Variants in STK3 observed in about 807,000 individuals in gnomAD.
STK3 encodes the protein serine/threonine-protein kinase 3.
A neutral mutation model predicts 58.0 loss-of-function variants in STK3; 41 were observed. That is an observed-to-expected ratio of 0.71 (90% CI 0.55 to 0.92). The LOEUF (loss-of-function observed/expected upper bound fraction) is 0.92. Among genes scored for constraint, STK3 ranks in the 40% least tolerant of loss-of-function variants. The pLI, the probability that STK3 is intolerant of heterozygous loss-of-function variation, is 0.00. For synonymous variants in STK3, 170 were observed against 191.0 expected, an observed-to-expected ratio of 0.89 and a Z score of 0.91; for missense variants, 479 against 602.7, an observed-to-expected ratio of 0.79 and a Z score of 2.15.
At chr8:98,674,622 G>A (rs918813634) in intron 6 of STK3, among the ~76,000 whole-genome samples, 5 of 152,100 alleles carry the variant, frequency 3.3e-5, no homozygotes, top group African/African-American at 9.7e-5. Context: ...AGAGATCACA[G>A]TTCCCAAATA....
intron 4 of STK3, among the ~76,000 whole-genome samples, chr8:98,745,832 T>C (rs1829604381): frequency 6.6e-6 from 1 of 152,166 alleles, no homozygotes; most frequent in Admixed American, 6.5e-5. Context: ...CATGGATACA[T>C]TCTGAAAGAC....
chr8:98,836,468 G>T (rs1399193376), intron 3 of STK3, among the ~76,000 whole-genome samples: 7 of 152,182 alleles, frequency 4.6e-5, no homozygotes, highest in Non-Finnish European at 1.5e-5. Flanking sequence ...ACCACCTTCA[G>T]GGTTAGGATT....
chr8:98,501,333 A>G (rs145710577), intron 10 of STK3, among the ~76,000 whole-genome samples: 27 of 150,936 alleles, frequency 1.8e-4, no homozygotes, highest in African/African-American at 6.6e-4. Context: ...GATTGTAAAA[A>G]TTTTCTTCCA....
At chr8:98,755,020 T>A (rs543072105) in intron 3 of STK3, among the ~76,000 whole-genome samples, 1 of 152,174 alleles carries the variant, frequency 6.6e-6, no homozygotes, top group Non-Finnish European at 1.5e-5. Context: ...CACAGCCCTA[T>A]CTCTCCATAA....
intron 10 of STK3, among the ~76,000 whole-genome samples, chr8:98,515,181 T>C (rs780097510): frequency 3.2e-4 from 49 of 152,112 alleles, no homozygotes; most frequent in Admixed American, 1.3e-4. Context: ...TCTCTATGCT[T>C]CACTTTGACA....
At chr8:98,411,010 C>A (rs1393025201) in intron 3 of STK3, among the ~76,000 whole-genome samples, 2 of 152,164 alleles carry the variant, frequency 1.3e-5, no homozygotes, top group African/African-American at 4.8e-5. Context: ...TCACCACCCC[C>A]CAGAAAGTCT....
downstream of STK3, among the ~76,000 whole-genome samples, chr8:98,366,581 C>T (rs1817566685): frequency 6.6e-6 from 1 of 152,214 alleles, no homozygotes; most frequent in South Asian, 2.1e-4. Context: ...AGGAAGCCAA[C>T]ATACTTATTG....
intron 1 of STK3, among the ~76,000 whole-genome samples, chr8:98,786,847 T>C (rs1423218516): frequency 6.6e-6 from 1 of 151,900 alleles, no homozygotes; most frequent in Non-Finnish European, 1.5e-5. Context: ...ACATACAAAA[T>C]GAACATCACC....
intron 3 of STK3, among the ~76,000 whole-genome samples, chr8:98,833,444 A>G (rs188368294): frequency 4.6e-5 from 7 of 152,354 alleles, no homozygotes; most frequent in Non-Finnish European, 7.3e-5. Context: ...TACCAGTTAA[A>G]TCTCTCCTGG....
At chr8:98,555,886 G>C (rs1811551518) in intron 8 of STK3, among the ~76,000 whole-genome samples, 1 of 152,042 alleles carries the variant, frequency 6.6e-6, no homozygotes, top group South Asian at 2.1e-4. Context: ...ATGTGATGAT[G>C]GGGGTGGGGG....
At chr8:98,716,657 T>C (rs897475923) in intron 4 of STK3, among the ~76,000 whole-genome samples, 8 of 152,174 alleles carry the variant, frequency 5.3e-5, no homozygotes, top group African/African-American at 1.9e-4. Context: ...ATGATGTTTA[T>C]TGCAGAAATA....
At chr8:98,836,475 G>T (rs1469054812) in intron 3 of STK3, among the ~76,000 whole-genome samples, 2 of 152,218 alleles carry the variant, frequency 1.3e-5, no homozygotes, top group Non-Finnish European at 2.9e-5. Flanking sequence ...TCAGGGTTAG[G>T]ATTTCAACAT....
the STK3 span, among the ~76,000 whole-genome samples, chr8:98,347,332 G>A: frequency 6.6e-6 from 1 of 151,766 alleles, no homozygotes; most frequent in Non-Finnish European, 1.5e-5. Flanking sequence ...GCCTAACACG[G>A]TGAAACCCCG....
intron 10 of STK3, among the ~76,000 whole-genome samples, chr8:98,458,343 A>G (rs903907924): frequency 6.6e-6 from 1 of 152,062 alleles, no homozygotes; most frequent in Non-Finnish European, 1.5e-5. Context: ...GTCATGCATG[A>G]TTTCTTTCAA....
chr8:98,846,753 C>T (rs143695157), intron 3 of STK3, among the ~76,000 whole-genome samples: 1 of 151,926 alleles, frequency 6.6e-6, no homozygotes, highest in East Asian at 1.9e-4. Flanking sequence ...GGGCATGTAC[C>T]ATATGTCCAC....
At chr8:98,369,032 C>G (rs981121222), downstream of STK3, among the ~76,000 whole-genome samples, 3 of 152,212 alleles carry the variant, frequency 2.0e-5, no homozygotes, top group African/African-American at 7.2e-5. Flanking sequence ...CAACCCTTCT[C>G]CAGTGGAAGT....
rs370450672 is a variant in STK3, at chr8:98,658,439, C to A, written c.684+48028G>T. On this transcript the variant is annotated intron_variant, in intron 6 of 10. Coordinates refer to ENST00000419617, the MANE Select transcript of STK3 (RefSeq NM_006281.4). ...AGCAACAACAGCAAACTAAAGCAAA[C>A]ATATCTGTTCCTAGTTCTGAGAGAT... 1.8e-4 allele frequency among the ~76,000 whole-genome samples: 27 copies of A among 152,146 alleles called. No homozygotes were observed. In the East Asian group the frequency reaches 5.2e-3, roughly 29 times the overall value.
In STK3 at chr8:98,666,856, G is replaced by A. The variant is rs576330406; in HGVS notation, c.684+39611C>T. Among the ~76,000 whole-genome samples, 19 of 152,142 alleles carry A rather than the reference G, an allele frequency of 1.2e-4. 1 individual carries two copies. The South Asian group carries it at 3.9e-3, about 32-fold the overall frequency. ...ACATGAATCAATCATACAGCAGGTG[G>A]AAAAAATGCTAGAAAAGATAACATT... On this transcript the variant is annotated intron_variant, in intron 6 of 10. Coordinates refer to ENST00000419617, the MANE Select transcript of STK3 (RefSeq NM_006281.4).
intron 9 of STK3, among the ~76,000 whole-genome samples, chr8:98,538,480 T>C (rs1809968943): frequency 6.6e-6 from 1 of 152,170 alleles, no homozygotes; most frequent in African/African-American, 2.4e-5. Context: ...AAGAACTTAA[T>C]AAGTATCCAA....
Sources: gnomAD v4.1 joint callset for allele counts (sites outside exome capture counted in the v4.1 genomes callset) on GRCh38, gnomAD v4.1.1 for gene constraint, MANE v1.5 for transcripts, NCBI Gene and HGNC (gene_info 2026-07-23, HGNC 2026-07-21) for gene names.